The following CCDC57 variants were observed in gnomAD, a reference collection of about 807,000 sequenced individuals.
The protein encoded by CCDC57 is coiled-coil domain containing 57.
In CCDC57, 118 loss-of-function variants were observed where a neutral mutation model predicts 118.9. The ratio of observed to expected loss-of-function variants is 0.99; its 90% CI spans 0.86 to 1.16. CCDC57 has a LOEUF of 1.16. Among genes scored for constraint, CCDC57 ranks in the 50% most tolerant of loss-of-function variants. CCDC57 has a pLI of 0.00. For synonymous variants in CCDC57, 527 were observed against 532.9 expected (o/e 0.99, Z 0.15); for missense variants, 1,300 against 1,320.7 (o/e 0.98, Z 0.24).
At chr17:82,146,983 C>T (rs1454816172) in intron 16 of CCDC57, among the ~76,000 whole-genome samples, 1 of 152,268 alleles carries the variant, frequency 6.6e-6, no homozygotes, top group Non-Finnish European at 1.5e-5. Flanking sequence ...CCACCACACA[C>T]AGCCGAGGAA....
intron 4 of CCDC57, 53 bp from the exon 4 acceptor site, chr17:82,195,417 C>G: frequency 7.1e-7 from 1 of 1,412,148 alleles, no homozygotes; most frequent in Admixed American, 2.0e-5. Context: ...AGCAAAGACC[C>G]CCACCCACGT....
rs71166198 is a variant in CCDC57 at position 82,184,031 on chromosome 17, GCACACACACACACACA to G, written c.1053-115_1053-100del. 728 of 131,894 alleles carry G rather than the reference GCACACACACACACACA, an allele frequency of 5.5e-3. 10 individuals carry two copies. Among genetic ancestry groups the G allele is most frequent in the African/African-American group, 0.021 (503 of 23,738 alleles). 8.2% of individuals were successfully genotyped at this position (131,894 alleles called of 1,614,324 possible). A position where few individuals can be genotyped will look rare whatever the true frequency, so the allele number is the denominator to read the frequency against. ...CAAATACACATGCGCGCGCGCGCGCGCACACACACACACACACACACACACACACACACACACACAC... is the reference window on the plus strand; with the variant it reads ...CAAATACACATGCGCGCGCGCGCGCGCACACACACACACACACACACACAC... On this transcript the variant is annotated intron_variant, in intron 8 of 19. Transcript: ENST00000665763.
Position 82,172,567 on chromosome 17 carries a change from G to T in CCDC57, c.1729+71C>A. The T allele has an allele frequency of 1.5e-6, 2 of 1,312,500 alleles. No individual in the cohort carries two copies. The highest frequency in any genetic ancestry group is 2.1e-6 in the Non-Finnish European group (2 of 933,322). 81.3% of individuals were successfully genotyped at this position (1,312,500 alleles called of 1,614,324 possible). A position where few individuals can be genotyped will look rare whatever the true frequency, so the allele number is the denominator to read the frequency against. On this transcript the variant is annotated intron_variant, in intron 12 of 19. Coordinates refer to ENST00000665763, the Ensembl canonical transcript of CCDC57. This position sits in a 1 kb window ranked among gnomAD's most constrained non-coding sequence, Gnocchi z 5.2. ...CTCCTTGAAGCCAGTCAAGACCCAT[G>T]CTCCCGTCTGTCCTCCTCCCTCCCT... is the stretch of plus-strand genomic sequence containing the variant.
At chr17:82,169,510 C>A (rs908053890) in intron 13 of CCDC57, among the ~76,000 whole-genome samples, 2 of 152,144 alleles carry the variant, frequency 1.3e-5, no homozygotes, top group Non-Finnish European at 2.9e-5. Flanking sequence ...CTTAGGCCTG[C>A]AGATGGGGCC....
intron 19 of CCDC57, among the ~76,000 whole-genome samples, chr17:82,106,003 G>A (rs1193412177): frequency 6.6e-6 from 1 of 152,222 alleles, no homozygotes; most frequent in Non-Finnish European, 1.5e-5. Flanking sequence ...CCTGGGCGCC[G>A]ACCACAGGCT....
intron 16 of CCDC57, among the ~76,000 whole-genome samples, chr17:82,138,408 A>G (rs1404222543): frequency 1.3e-5 from 2 of 151,878 alleles, no homozygotes; most frequent in African/African-American, 2.4e-5. Flanking sequence ...TCAGCCTCCC[A>G]AAGTGCTGGG....
chr17:82,148,125 AGATG>A (rs143199335), intron 16 of CCDC57, among the ~76,000 whole-genome samples: 19,105 of 75,424 alleles, frequency 0.25, 2,757 homozygotes, highest in Non-Finnish European at 0.31. Context: ...TTGGATGGTT[AGATG>A]GATGGATGGA....
At chr17:82,154,597 C>T (rs192686515) in intron 15 of CCDC57, 1 of 152,730 alleles carries the variant, frequency 6.5e-6, no homozygotes, top group East Asian at 1.9e-4. Context: ...GGCATTTCTA[C>T]ACTGTCTCTC....
chr17:82,126,332 C>A, intron 19 of CCDC57: 1 of 840,828 alleles, frequency 1.2e-6, no homozygotes, highest in Non-Finnish European at 1.4e-6. Context: ...CATTAAATTA[C>A]ATAAAAATAA....
At chr17:82,200,997 T>G (rs2048929988) in intron 3 of CCDC57, among the ~76,000 whole-genome samples, 2 of 152,112 alleles carry the variant, frequency 1.3e-5, no homozygotes, top group South Asian at 4.1e-4. Context: ...TGGAAGAGCT[T>G]ATCAGAGAAG....
intron 8 of CCDC57, among the ~76,000 whole-genome samples, chr17:82,187,236 C>CAAAAAAAAAAAAAAAAAAAACAAAAA (rs61100137): frequency 1.6e-5 from 1 of 63,034 alleles, no homozygotes; most frequent in Non-Finnish European, 3.0e-5. Context: ...GACTCCATCT[C>CAAAAAAAAAAAAAAAAAAAACAAAAA]AAAAAAAAAA....
rs947106877 is a variant in CCDC57 at position 82,125,845 on chromosome 17, C to G, written c.2899+1847G>C. On this transcript the variant is annotated intron_variant, in intron 19 of 19. Transcript: ENST00000665763. ...CCCAATGGAACTGCCTGTGAACAGACTGAGAGTGGCCGAACGAACCGTCCG... is the reference window on the plus strand; with the variant it reads ...CCCAATGGAACTGCCTGTGAACAGAGTGAGAGTGGCCGAACGAACCGTCCG... Among the ~76,000 whole-genome samples, 4 of 152,194 alleles carry G rather than the reference C, an allele frequency of 2.6e-5. No individual in the cohort carries two copies. In the East Asian group the frequency reaches 5.8e-4, roughly 22 times the overall value.
chr17:82,184,031 G>GCGCGCGCGCACGCACACA, intron 8 of CCDC57, 99 bp from the exon 8 acceptor site: 2 of 128,352 alleles, frequency 1.6e-5, no homozygotes, highest in Non-Finnish European at 3.0e-5. Context: ...GCGCGCGCGC[G>GCGCGCGCGCACGCACACA]CACACACACA....
chr17:82,157,598 G>A, intron 15 of CCDC57, 150 bp downstream of exon 14: 2 of 1,440,570 alleles, frequency 1.4e-6, no homozygotes, highest in South Asian at 2.9e-5. Context: ...GGGTGGAGCA[G>A]GGCCCACTTC....
intron 19 of CCDC57, among the ~76,000 whole-genome samples, chr17:82,122,600 T>C (rs546905662): frequency 6.6e-6 from 1 of 150,418 alleles, no homozygotes; most frequent in South Asian, 2.1e-4. Context: ...ACAGAGCCCT[T>C]GGTCTCTGAC....
chr17:82,197,152 G>T (rs1382366937), intron 4 of CCDC57, among the ~76,000 whole-genome samples: 2 of 103,918 alleles, frequency 1.9e-5, no homozygotes, highest in Admixed American at 2.3e-4. Context: ...AGCCCCTCGT[G>T]ACTCCTGCAG....
intron 2 of CCDC57, among the ~76,000 whole-genome samples, chr17:82,206,274 G>A (rs1054818101): frequency 1.3e-5 from 2 of 152,230 alleles, no homozygotes; most frequent in African/African-American, 4.8e-5. Flanking sequence ...TGATGTTGTA[G>A]GTTTACCTGT....
rs1329982145 is a variant in CCDC57, at chr17:82,149,742, C to G, written c.2455+1818G>C. On this transcript the variant is annotated intron_variant, in intron 16 of 19. Transcript: ENST00000665763. ...CCAGGCGCACACCCAGAACCTGACC[C>G]GCACCCAGAACCAGGCGCACACCCA... is the stretch of plus-strand genomic sequence containing the variant. Among the ~76,000 whole-genome samples the G allele has an allele frequency of 2.0e-5, 3 of 151,662 alleles. No homozygotes were observed. The East Asian group carries it at 5.8e-4, about 29-fold the overall frequency.
At chr17:82,177,063 T>G (rs1198767109) in intron 11 of CCDC57, among the ~76,000 whole-genome samples, 1 of 151,712 alleles carries the variant, frequency 6.6e-6, no homozygotes, top group African/African-American at 2.4e-5. Flanking sequence ...CTGACCAACA[T>G]GGAGAAACCC....
Sources: gnomAD v4.1 joint callset for allele counts (sites outside exome capture counted in the v4.1 genomes callset) on GRCh38, gnomAD v4.1.1 for gene constraint, Gnocchi (gnomAD v3.1) non-coding constraint, MANE v1.5 for transcripts, NCBI Gene and HGNC (gene_info 2026-07-23, HGNC 2026-07-21) for gene names.